Variants in COL25A1 observed in about 807,000 individuals in gnomAD.
The protein encoded by COL25A1 is collagen alpha-1(XXV) chain.
Under a neutral mutation model 128.4 loss-of-function variants are expected in COL25A1, and 103 were observed. The observed-to-expected ratio is 0.80, with a 90% CI of 0.68 to 0.94. The LOEUF (loss-of-function observed/expected upper bound fraction) is 0.94. Among genes scored for constraint, COL25A1 ranks in the 40% least tolerant of loss-of-function variants. The pLI, the probability that COL25A1 is intolerant of heterozygous loss-of-function variation, is 0.00. For missense variants in COL25A1, 745 were observed against 840.0 expected, an observed-to-expected ratio of 0.89 and a Z score of 1.40; for synonymous variants, 279 against 277.2, an observed-to-expected ratio of 1.01 and a Z score of -0.06.
intron 3 of COL25A1, among the ~76,000 whole-genome samples, chr4:109,263,408 T>C (rs1041408277): frequency 1.3e-5 from 2 of 152,082 alleles, no homozygotes; most frequent in Non-Finnish European, 2.9e-5. Context: ...ATAAGAGTTA[T>C]ATGAAAGGGG....
intron 13 of COL25A1, among the ~76,000 whole-genome samples, chr4:108,904,867 C>G (rs144647966): frequency 2.6e-4 from 40 of 151,794 alleles, no homozygotes; most frequent in African/African-American, 9.7e-4. Context: ...AAGCTGAAAA[C>G]AAGTTGGACT....
Position 108,920,587 on chromosome 4 carries a change from C to T in COL25A1, c.726G>A (p.Pro242=), listed in dbSNP as rs17596705. 0.2 allele frequency: 319,349 copies of T among 1,593,126 alleles called. 35,439 individuals carry two copies. Among genetic ancestry groups the T allele is most frequent in the Non-Finnish European group, 0.22 (260,703 of 1,164,870 alleles). Residue 242 remains proline (P), a synonymous_variant, in exon 12 of 38, where the codon CCG becomes CCA. Coordinates refer to ENST00000399132, the MANE Select transcript of COL25A1 (RefSeq NM_198721.4). ...GTTGTTTATACTCTACCTTTTGTCC[C>T]GGAGGCCCTAGAGGACCCTAAAAAA... is the stretch of plus-strand genomic sequence containing the variant. The part of the protein sequence containing the change: ...EQGLMGPLGP[P]GQKGSIGAPG...
intron 19 of COL25A1, among the ~76,000 whole-genome samples, chr4:108,873,241 CA>C (rs1738988255): frequency 6.6e-6 from 1 of 152,074 alleles, no homozygotes; most frequent in Admixed American, 6.6e-5. Flanking sequence ...TCTACATAAA[CA>C]AAAGCTCTTT....
chr4:109,255,986 CTCA>C (rs1781054329), intron 3 of COL25A1, among the ~76,000 whole-genome samples: 2 of 152,178 alleles, frequency 1.3e-5, no homozygotes, highest in South Asian at 4.2e-4. Flanking sequence ...ACATCATCTG[CTCA>C]TCAATGCTAA....
chr4:109,253,946 GT>G (rs1249370502), intron 3 of COL25A1, among the ~76,000 whole-genome samples: 1 of 151,896 alleles, frequency 6.6e-6, no homozygotes, highest in African/African-American at 2.4e-5. Context: ...AATTATCCCG[GT>G]GCGGTGGCGG....
intron 32 of COL25A1, 27 bp downstream of exon 32, chr4:108,832,353 A>C: frequency 6.4e-7 from 1 of 1,572,210 alleles, no homozygotes. Flanking sequence ...CTTTAGTACA[A>C]GCTTAATAAC....
chr4:109,047,719 A>G (rs1300765776), intron 5 of COL25A1, among the ~76,000 whole-genome samples: 2 of 146,696 alleles, frequency 1.4e-5, no homozygotes, highest in East Asian at 4.1e-4. Context: ...TCCAAACTTT[A>G]AGTATACTCT....
intron 3 of COL25A1, among the ~76,000 whole-genome samples, chr4:109,246,825 G>A (rs1157589746): frequency 6.6e-6 from 1 of 152,038 alleles, no homozygotes; most frequent in Non-Finnish European, 1.5e-5. Flanking sequence ...AGGGACACAA[G>A]GATGAAACCA....
chr4:109,210,412 CTCTTT>C (rs1777403067), intron 3 of COL25A1, among the ~76,000 whole-genome samples: 1 of 152,188 alleles, frequency 6.6e-6, no homozygotes, highest in Non-Finnish European at 1.5e-5. Flanking sequence ...TAGTCGCTCT[CTCTTT>C]TAAGTTTCTG....
At chr4:109,246,667 T>C (rs1005827268) in intron 3 of COL25A1, among the ~76,000 whole-genome samples, 3 of 152,172 alleles carry the variant, frequency 2.0e-5, no homozygotes, top group Non-Finnish European at 4.4e-5. Context: ...TTCTAAAAAA[T>C]TGACTCTACT....
chr4:109,109,806 C>A (rs1766825785), intron 3 of COL25A1, among the ~76,000 whole-genome samples: 2 of 152,150 alleles, frequency 1.3e-5, no homozygotes, highest in South Asian at 4.1e-4. Flanking sequence ...AGTTCCAGAA[C>A]CAGTGTTGAA....
At chr4:108,911,083 A>C (rs1036777680) in intron 13 of COL25A1, among the ~76,000 whole-genome samples, 4 of 152,168 alleles carry the variant, frequency 2.6e-5, no homozygotes, top group Admixed American at 6.5e-5. Context: ...CAAATCTCAA[A>C]ATCAAGAGAC....
rs546812764 is a variant in COL25A1 at position 108,817,410 on chromosome 4, C to T, written c.1949G>A (p.Gly650Asp). 210 of 1,613,272 alleles carry T rather than the reference C, an allele frequency of 1.3e-4. No homozygotes were observed. The Admixed American group carries it at 3.4e-3, about 26-fold the overall frequency. ...QLGPDGLPMPGCWQK is the reference protein window; with the variant it reads ...QLGPDGLPMPDCWQK Reference sequence around the variant, plus strand: ...AGTAAAGCCTACCTTTTGCCAACAGCCAGGCATGGGTAAGCCATCTGGCCC... The same window carrying T: ...AGTAAAGCCTACCTTTTGCCAACAGTCAGGCATGGGTAAGCCATCTGGCCC... The change falls in exon 37 of 38, where the codon GGC becomes GAC. Residue 650 changes from glycine (G) to aspartate (D), a missense_variant. Physicochemically the swap from Gly to Asp is moderately conservative, Grantham distance 94 (BLOSUM62 -1). Transcript: ENST00000399132.
chr4:109,014,952 A>G (rs151270773), intron 5 of COL25A1, among the ~76,000 whole-genome samples: 1 of 152,348 alleles, frequency 6.6e-6, no homozygotes, highest in Non-Finnish European at 1.5e-5. Flanking sequence ...GGATGTAACA[A>G]TCGACACCTA....
At chr4:108,963,635 T>G (rs915685998) in intron 8 of COL25A1, among the ~76,000 whole-genome samples, 1 of 152,068 alleles carries the variant, frequency 6.6e-6, no homozygotes, top group African/African-American at 2.4e-5. Context: ...AAAGCTTGCT[T>G]AAATATAAGA....
intron 8 of COL25A1, chr4:108,942,070 G>A (rs1391129752): frequency 4.2e-6 from 3 of 718,940 alleles, no homozygotes; most frequent in African/African-American, 1.8e-5. Context: ...AATGATGCAA[G>A]TGGGGTCCCA....
In COL25A1 at chr4:109,140,380, G is replaced by A. The variant is rs551852850; in HGVS notation, c.368-90201C>T. 2.6e-5 allele frequency among the ~76,000 whole-genome samples: 4 copies of A among 152,250 alleles called. No homozygotes were observed. In the South Asian group the frequency reaches 8.3e-4, roughly 32 times the overall value. ...CAGGTAGTGTGATGCCTCCAGCTTT[G>A]TTCTTTTGGCTTAGGATTGTCTTGG... On this transcript the variant is annotated intron_variant, in intron 3 of 37. Transcript: ENST00000399132.
At chr4:109,022,282 T>A in intron 5 of COL25A1, 1 of 399,956 alleles carries the variant, frequency 2.5e-6, no homozygotes, top group South Asian at 1.8e-5. Flanking sequence ...GAACCTACAC[T>A]GAAATATTGG....
Position 108,811,980 on chromosome 4 carries a change from A to G in COL25A1, c.*1947T>C, listed in dbSNP as rs1730832579. Reference sequence around the variant, plus strand: ...AATTTCCCTTCTGGTGGTGACACCTATGCATGAAACTAGAAATCTTCCCAG... The same window carrying G: ...AATTTCCCTTCTGGTGGTGACACCTGTGCATGAAACTAGAAATCTTCCCAG... On this transcript the variant is annotated 3_prime_UTR_variant, in exon 38 of 38. Coordinates refer to ENST00000399132, the MANE Select transcript of COL25A1 (RefSeq NM_198721.4). 6.6e-6 allele frequency: 1 copy of G among 152,188 alleles called. No individual in the cohort carries two copies. Among genetic ancestry groups the G allele is most frequent in the Admixed American group, 6.5e-5 (1 of 15,286 alleles). The allele number at this position is 152,188 out of a possible 1,614,324, so 9.4% of individuals were successfully genotyped here.
Sources: gnomAD v4.1 joint callset for allele counts (sites outside exome capture counted in the v4.1 genomes callset) on GRCh38, gnomAD v4.1.1 for gene constraint, MANE v1.5 for transcripts, NCBI Gene and HGNC (gene_info 2026-07-23, HGNC 2026-07-21) for gene names.